The following NRP1 variants were observed in gnomAD, a reference collection of about 807,000 sequenced individuals.
The protein encoded by NRP1 is neuropilin-1.
A neutral mutation model predicts 106.7 loss-of-function variants in NRP1; 35 were observed. The observed-to-expected ratio is 0.33, with a 90% CI of 0.25 to 0.43. The LOEUF (loss-of-function observed/expected upper bound fraction) is 0.43. NRP1 is among the 20% of genes least tolerant of loss of function. The pLI is 1.00. For synonymous variants in NRP1, 437 were observed against 417.9 expected (o/e 1.05, Z -0.56); for missense variants, 1,024 against 1,170.4 (o/e 0.87, Z 1.83).
chr10:33,253,258 C>T (rs1841986413), intron 6 of NRP1, among the ~76,000 whole-genome samples: 2 of 151,962 alleles, frequency 1.3e-5, no homozygotes, highest in Admixed American at 1.3e-4. Flanking sequence ...GGCAAGTGGG[C>T]ATTAGGAGTG....
intron 7 of NRP1, among the ~76,000 whole-genome samples, chr10:33,223,210 T>C (rs986050627): frequency 6.6e-6 from 1 of 152,336 alleles, no homozygotes; most frequent in East Asian, 1.9e-4. Context: ...TGAAGGTCTA[T>C]GGTTTCCCAA....
At chr10:33,302,657 C>G (rs957321996) in intron 2 of NRP1, among the ~76,000 whole-genome samples, 1 of 152,126 alleles carries the variant, frequency 6.6e-6, no homozygotes, top group Non-Finnish European at 1.5e-5. Flanking sequence ...TGGAGAAACA[C>G]AAAGATTCCT....
intron 15 of NRP1, 85 bp from the exon 16 acceptor site, chr10:33,182,833 G>GCGCACACACACACACACACACA (rs374584878): frequency 1.3e-5 from 10 of 747,340 alleles, no homozygotes; most frequent in Non-Finnish European, 2.3e-5. Context: ...TTAGGTACAT[G>GCGCACACACACACACACACACA]CACACACACA....
chr10:33,274,861 T>C (rs1843572365), intron 2 of NRP1, among the ~76,000 whole-genome samples: 1 of 152,190 alleles, frequency 6.6e-6, no homozygotes, highest in African/African-American at 2.4e-5. Flanking sequence ...AGAAATGATG[T>C]TGGCGAACAC....
At chr10:33,214,321 T>C (rs1452252815) in intron 8 of NRP1, among the ~76,000 whole-genome samples, 2 of 152,160 alleles carry the variant, frequency 1.3e-5, no homozygotes, top group Non-Finnish European at 2.9e-5. Flanking sequence ...CACTGTCATC[T>C]CAAATGTACC....
chr10:33,293,379 C>A lies in NRP1; in HGVS notation c.249-22523G>T, dbSNP rs1354707285. 5.9e-5 allele frequency among the ~76,000 whole-genome samples: 9 copies of A among 152,264 alleles called. No homozygotes were observed. In the South Asian group the frequency reaches 1.9e-3, roughly 32 times the overall value. On this transcript the variant is annotated intron_variant, in intron 2 of 16. Transcript: ENST00000374867. ...ATTTTACAACCTGTTTGGACTGTTG[C>A]ATCTTTATAATGGGGATGGTAACTC...
At chr10:33,313,173 AT>A (rs1359220296) in intron 2 of NRP1, among the ~76,000 whole-genome samples, 3 of 152,256 alleles carry the variant, frequency 2.0e-5, no homozygotes, top group Non-Finnish European at 4.4e-5. Flanking sequence ...CTTAGAATAA[AT>A]TTTGCCAAAA....
chr10:33,294,240 G>C (rs546534122), intron 2 of NRP1, among the ~76,000 whole-genome samples: 1 of 152,336 alleles, frequency 6.6e-6, no homozygotes, highest in South Asian at 2.1e-4. Flanking sequence ...TATAGCCAGA[G>C]TGTGACCTGG....
At chr10:33,251,225 G>C (rs183063866) in intron 6 of NRP1, among the ~76,000 whole-genome samples, 1 of 152,066 alleles carries the variant, frequency 6.6e-6, no homozygotes, top group Non-Finnish European at 1.5e-5. Flanking sequence ...TTCACCTGCC[G>C]CCATGTAAGA....
At chr10:33,278,043 TCTAAACCATAGCATTA>T (rs1243113776) in intron 2 of NRP1, among the ~76,000 whole-genome samples, 13 of 152,218 alleles carry the variant, frequency 8.5e-5, no homozygotes, top group Admixed American at 2.6e-4. Context: ...AAATCTAACT[TCTAAACCATAGCATTA>T]CTACTTCTAT....
intron 2 of NRP1, among the ~76,000 whole-genome samples, chr10:33,302,759 A>G (rs1845890676): frequency 6.6e-6 from 1 of 152,248 alleles, no homozygotes; most frequent in Non-Finnish European, 1.5e-5. Flanking sequence ...AAAGAGGGAC[A>G]GAAGGACTGC....
At chr10:33,282,117 T>C (rs1213516313) in intron 2 of NRP1, among the ~76,000 whole-genome samples, 1 of 140,678 alleles carries the variant, frequency 7.1e-6, no homozygotes, top group Non-Finnish European at 1.5e-5. Context: ...AATTTATATA[T>C]ACCATAGTAT....
intron 2 of NRP1, among the ~76,000 whole-genome samples, chr10:33,281,321 A>G (rs555263638): frequency 8.5e-4 from 130 of 152,250 alleles, no homozygotes; most frequent in African/African-American, 3.0e-3. Context: ...AAGTGCTGAG[A>G]TTACAGGCGT....
chr10:33,208,967 C>T (rs1008112192), intron 9 of NRP1, among the ~76,000 whole-genome samples: 6 of 131,410 alleles, frequency 4.6e-5, no homozygotes, highest in African/African-American at 8.9e-5. Context: ...AGTGCAGTGG[C>T]ATGATCTTGA....
chr10:33,255,935 G>A (rs1321076153), intron 5 of NRP1, among the ~76,000 whole-genome samples: 1 of 152,132 alleles, frequency 6.6e-6, no homozygotes, highest in Non-Finnish European at 1.5e-5. Flanking sequence ...TGCTCTGTCG[G>A]TGAACTACTT....
At chr10:33,274,227 C>G (rs1304428017) in intron 2 of NRP1, among the ~76,000 whole-genome samples, 1 of 152,136 alleles carries the variant, frequency 6.6e-6, no homozygotes, top group Non-Finnish European at 1.5e-5. Context: ...ATGAGTGTCC[C>G]TGGCTTTAGA....
intron 15 of NRP1, among the ~76,000 whole-genome samples, chr10:33,183,623 T>C (rs1309194498): frequency 6.6e-6 from 1 of 152,240 alleles, no homozygotes; most frequent in African/African-American, 2.4e-5. Context: ...TGGTACTAAG[T>C]ACAGAGCAGG....
At chr10:33,252,614 A>G (rs1316124490) in intron 6 of NRP1, among the ~76,000 whole-genome samples, 1 of 152,064 alleles carries the variant, frequency 6.6e-6, no homozygotes, top group Non-Finnish European at 1.5e-5. Context: ...TTTCATTACC[A>G]TGCAAACATG....
chr10:33,278,872 G>C (rs1843904957), intron 2 of NRP1, among the ~76,000 whole-genome samples: 2 of 152,068 alleles, frequency 1.3e-5, no homozygotes, highest in Admixed American at 1.3e-4. Flanking sequence ...TTGTCACTAA[G>C]AAAACTGATG....
Sources: allele counts gnomAD v4.1 joint callset (sites outside exome capture counted in the v4.1 genomes callset), GRCh38; gene constraint gnomAD v4.1.1; transcripts MANE v1.5; gene names NCBI Gene and HGNC (gene_info 2026-07-23, HGNC 2026-07-21).